SDK2: variants seen among roughly 807,000 people sequenced by gnomAD.
SDK2 encodes protein sidekick-2.
Under a neutral mutation model 253.9 loss-of-function variants are expected in SDK2, and 105 were observed. The ratio of observed to expected loss-of-function variants is 0.41; its 90% CI spans 0.35 to 0.49. The LOEUF (loss-of-function observed/expected upper bound fraction) is 0.49, where lower values mean the gene tolerates loss of function less well. Among genes scored for constraint, SDK2 ranks in the 20% least tolerant of loss-of-function variants. The pLI, the probability that SDK2 is intolerant of heterozygous loss-of-function variation, is 0.06. For missense variants in SDK2, 2,608 were observed against 3,003.0 expected, an observed-to-expected ratio of 0.87 and a Z score of 3.07; for synonymous variants, 1,249 against 1,234.9, an observed-to-expected ratio of 1.01 and a Z score of -0.24.
chr17:73,541,323 C>A lies in SDK2; in HGVS notation c.65-33726G>T, dbSNP rs1321485785. Among the ~76,000 whole-genome samples, 1 of 152,186 alleles carries A rather than the reference C, an allele frequency of 6.6e-6. No homozygotes were observed. Among genetic ancestry groups the A allele is most frequent in the Non-Finnish European group, 1.5e-5 (1 of 68,028 alleles). On this transcript the variant is annotated intron_variant, in intron 1 of 44. Transcript: ENST00000392650. The surrounding 1 kb of genome is among the most constrained non-coding windows in gnomAD (Gnocchi z 4.3). ...AAGGTGGACCAGGGCCAGAGCCAGGCTCTCCCTGCTGGTGGAGCGGATGTG... is the reference window on the plus strand; with the variant it reads ...AAGGTGGACCAGGGCCAGAGCCAGGATCTCCCTGCTGGTGGAGCGGATGTG...
chr17:73,589,133 G>C (rs777355212), intron 1 of SDK2, among the ~76,000 whole-genome samples: 2 of 152,274 alleles, frequency 1.3e-5, no homozygotes, highest in African/African-American at 2.4e-5. Context: ...GACTCACTCA[G>C]TCTAGTCAGT....
At chr17:73,569,684 G>A (rs1336657136) in intron 1 of SDK2, among the ~76,000 whole-genome samples, 1 of 151,624 alleles carries the variant, frequency 6.6e-6, no homozygotes, top group Non-Finnish European at 1.5e-5. Flanking sequence ...TTTAAGGTCT[G>A]ATGTGGATTG....
chr17:73,419,689 G>A (rs2063212146), intron 15 of SDK2, among the ~76,000 whole-genome samples: 1 of 140,510 alleles, frequency 7.1e-6, no homozygotes, highest in African/African-American at 2.6e-5. Flanking sequence ...GGGCAACATG[G>A]CAAGACCCTG....
rs939534617 is a variant in SDK2, at chr17:73,334,849, T to C, written c.*3738A>G. On this transcript the variant is annotated 3_prime_UTR_variant, in exon 45 of 45. Coordinates refer to ENST00000392650, the MANE Select transcript of SDK2 (RefSeq NM_001144952.2). ...TCAGATGGTCTCCCCTTTACCTTCC[T>C]GCCCACCAGCCCCTCACCCAGGGTA... The C allele has an allele frequency of 1.3e-5, 2 of 152,422 alleles. No individual in the cohort carries two copies. The highest frequency in any genetic ancestry group is 4.8e-5 in the African/African-American group (2 of 41,444). 9.4% of individuals were successfully genotyped at this position (152,422 alleles called of 1,614,324 possible).
chr17:73,621,197 C>T (rs1340040855), intron 1 of SDK2, among the ~76,000 whole-genome samples: 2 of 152,200 alleles, frequency 1.3e-5, no homozygotes, highest in African/African-American at 4.8e-5. Context: ...ACTATATGTA[C>T]TCAGGGCAGA....
chr17:73,415,817 G>A lies in SDK2; in HGVS notation c.2362C>T (p.Gln788Ter), dbSNP rs2063176029. The A allele has an allele frequency of 6.4e-7, 1 of 1,552,180 alleles. No homozygotes were observed. The highest frequency in any genetic ancestry group is 8.7e-7 in the Non-Finnish European group (1 of 1,147,310). ...GACCACAGTCTCTACCTACCTCCCT[G>A]CAGCGTCCACTCGGTGACTTTACTG... is the stretch of plus-strand genomic sequence containing the variant. ...YSSKVTEWTL[Q>*]GVPTVPPGNV... The change falls in exon 17 of 45, where the codon CAG becomes TAG. Residue 788 changes from glutamine (Q) to a stop codon, truncating the protein, a stop_gained. Transcript: ENST00000392650. LOFTEE classifies it high-confidence loss of function.
intron 15 of SDK2, among the ~76,000 whole-genome samples, chr17:73,419,895 ATT>A (rs2063215481): frequency 6.6e-6 from 1 of 150,996 alleles, no homozygotes; most frequent in Non-Finnish European, 1.5e-5. Flanking sequence ...AAAAAAAAAA[ATT>A]AATGTACATG....
chr17:73,422,266 G>A (rs2063238257), intron 15 of SDK2, 21 bp downstream of exon 15: 3 of 1,612,830 alleles, frequency 1.9e-6, no homozygotes, highest in South Asian at 2.2e-5. Flanking sequence ...CGACGCCCCT[G>A]TAGAGCGCCA....
rs1308195439 is a variant in SDK2, at chr17:73,643,616, T to A, written c.64+409A>T. Among the ~76,000 whole-genome samples, 1 of 151,880 alleles carries A rather than the reference T, an allele frequency of 6.6e-6. No individual in the cohort carries two copies. Among genetic ancestry groups the A allele is most frequent in the Non-Finnish European group, 1.5e-5 (1 of 67,926 alleles). On this transcript the variant is annotated intron_variant, in intron 1 of 44. Transcript: ENST00000392650. This position sits in a 1 kb window ranked among gnomAD's most constrained non-coding sequence, Gnocchi z 6.9. ...GCCTGCCCGGCAGGGGCCCTGCCCT[T>A]CCCCGCAGACACCGAGCAGGGAACC...
chr17:73,358,903 G>C (rs946648823), intron 39 of SDK2, among the ~76,000 whole-genome samples: 12 of 152,052 alleles, frequency 7.9e-5, no homozygotes, highest in African/African-American at 2.9e-4. Flanking sequence ...GAGCAGCCTG[G>C]GATGTGGGCC....
chr17:73,630,425 G>A (rs937022551), intron 1 of SDK2, among the ~76,000 whole-genome samples: 2 of 152,224 alleles, frequency 1.3e-5, no homozygotes, highest in East Asian at 3.9e-4. Context: ...GGCTCCTGAT[G>A]CCTCAGATGA....
At chr17:73,394,368 G>T in intron 25 of SDK2, 44 bp from the exon 26 acceptor site, 1 of 1,350,138 alleles carries the variant, frequency 7.4e-7, no homozygotes, top group Non-Finnish European at 1.0e-6. Flanking sequence ...AGGACCCAAC[G>T]TTGACTGTGC....
chr17:73,527,352 T>C (rs6501647), intron 1 of SDK2, among the ~76,000 whole-genome samples: 60,941 of 151,830 alleles, frequency 0.4, 12,967 homozygotes, highest in East Asian at 0.67. Context: ...CAGATGACAG[T>C]GGGAATGCAT....
intron 5 of SDK2, among the ~76,000 whole-genome samples, chr17:73,444,236 G>A (rs1459208547): frequency 1.3e-5 from 2 of 152,200 alleles, no homozygotes; most frequent in East Asian, 3.8e-4. Context: ...AGCCCTGCAG[G>A]GTACCGGGCA....
intron 40 of SDK2, among the ~76,000 whole-genome samples, chr17:73,355,395 G>C (rs2062583450): frequency 6.6e-6 from 1 of 151,280 alleles, no homozygotes; most frequent in African/African-American, 2.4e-5. Context: ...CACCCAGGCT[G>C]GAGTGCCGTG....
intron 1 of SDK2, among the ~76,000 whole-genome samples, chr17:73,554,871 A>C (rs2045119291): frequency 6.6e-6 from 1 of 152,228 alleles, no homozygotes; most frequent in African/African-American, 2.4e-5. Flanking sequence ...AAATGTTACA[A>C]ACCCATATTT....
At position 73,458,538 on chromosome 17, in the gene SDK2, T is replaced by C. The variant is rs547949395; in HGVS notation, c.332-2485A>G. Among the ~76,000 whole-genome samples the C allele has an allele frequency of 3.9e-5, 6 of 152,338 alleles. No homozygotes were observed. The South Asian group carries it at 8.3e-4, about 21-fold the overall frequency. On this transcript the variant is annotated intron_variant, in intron 3 of 44. Transcript: ENST00000392650. ...CCAGCCATGCTGGCCCCTTGGCAGC[T>C]TCACTTGGCCTAATGGTTTGACCAC...
chr17:73,424,212 AC>A, intron 12 of SDK2, 120 bp from the exon 13 acceptor site: 1 of 778,752 alleles, frequency 1.3e-6, no homozygotes, highest in Non-Finnish European at 2.0e-6. Flanking sequence ...ACTGCAGGCA[AC>A]AGCCAGGCAG....
intron 1 of SDK2, among the ~76,000 whole-genome samples, chr17:73,531,942 G>C (rs2064172050): frequency 6.6e-6 from 1 of 152,156 alleles, no homozygotes; most frequent in African/African-American, 2.4e-5. Flanking sequence ...TCTAGCCCTA[G>C]AGTGGCTGAG....
Sources: allele counts gnomAD v4.1 joint callset (sites outside exome capture counted in the v4.1 genomes callset), GRCh38; gene constraint gnomAD v4.1.1; non-coding constraint Gnocchi (gnomAD v3.1); transcripts MANE v1.5; gene names NCBI Gene and HGNC (gene_info 2026-07-23, HGNC 2026-07-21).